The following NUBPL variants were observed in gnomAD, a reference collection of about 807,000 sequenced individuals.
NUBPL encodes the protein NUBP iron-sulfur cluster assembly factor, mitochondrial, also known as iron-sulfur cluster transfer protein NUBPL.
A neutral mutation model predicts 45.7 loss-of-function variants in NUBPL; 31 were observed. That is an observed-to-expected ratio of 0.68 (90% confidence interval 0.51 to 0.92). The LOEUF (loss-of-function observed/expected upper bound fraction) is 0.92. Ranked by LOEUF, NUBPL falls within the 40% of genes least tolerant of loss-of-function variation. NUBPL has a pLI of 0.00. For synonymous variants in NUBPL, 144 were observed against 140.9 expected, an observed-to-expected ratio of 1.02 and a Z score of -0.15; for missense variants, 401 against 398.7, an observed-to-expected ratio of 1.01 and a Z score of -0.05.
intron 6 of NUBPL, among the ~76,000 whole-genome samples, chr14:31,696,070 C>T (rs550359001): frequency 2.0e-5 from 3 of 152,238 alleles, no homozygotes; most frequent in African/African-American, 7.2e-5. Context: ...AAAGTATCAG[C>T]CACTGATATT....
intron 4 of NUBPL, among the ~76,000 whole-genome samples, chr14:31,602,496 A>G (rs889380143): frequency 6.6e-6 from 1 of 152,060 alleles, no homozygotes; most frequent in Non-Finnish European, 1.5e-5. Context: ...TAGAGCACCG[A>G]ATTTTAATAA....
intron 7 of NUBPL, among the ~76,000 whole-genome samples, chr14:31,807,941 G>A (rs922057444): frequency 9.9e-5 from 15 of 152,076 alleles, no homozygotes; most frequent in African/African-American, 3.1e-4. Context: ...GTAGATGTGT[G>A]GTATTATTTC....
chr14:31,656,438 C>T (rs1252414330), intron 4 of NUBPL, among the ~76,000 whole-genome samples: 1 of 152,176 alleles, frequency 6.6e-6, no homozygotes, highest in Non-Finnish European at 1.5e-5. Flanking sequence ...ATTTCCTTAC[C>T]AAGCATAATC....
chr14:31,706,228 T>C (rs1410274434), intron 6 of NUBPL, among the ~76,000 whole-genome samples: 1 of 152,080 alleles, frequency 6.6e-6, no homozygotes, highest in African/African-American at 2.4e-5. Context: ...TCCTGCTGGA[T>C]AGGGGCAAAG....
At chr14:31,825,082 A>T (rs2040075763) in intron 7 of NUBPL, among the ~76,000 whole-genome samples, 2 of 152,200 alleles carry the variant, frequency 1.3e-5, no homozygotes, top group South Asian at 4.1e-4. Context: ...GAGATCCAGA[A>T]AATTTGCCAT....
At chr14:31,746,524 G>C (rs2038403312) in intron 6 of NUBPL, among the ~76,000 whole-genome samples, 1 of 151,920 alleles carries the variant, frequency 6.6e-6, no homozygotes, top group Non-Finnish European at 1.5e-5. Flanking sequence ...GCATTCCTGG[G>C]ATGAATCCTA....
At chr14:31,669,459 CTT>C (rs540141377) in intron 4 of NUBPL, among the ~76,000 whole-genome samples, 5 of 142,024 alleles carry the variant, frequency 3.5e-5, no homozygotes, top group African/African-American at 1.3e-4. Context: ...CTTTTCTTTG[CTT>C]TTTTTTTTTT....
intron 7 of NUBPL, among the ~76,000 whole-genome samples, chr14:31,813,536 T>TACACACAC (rs144075915): frequency 7.4e-5 from 11 of 149,438 alleles, no homozygotes; most frequent in African/African-American, 2.0e-4. Context: ...CATACATCCA[T>TACACACAC]ACACACACAC....
intron 7 of NUBPL, among the ~76,000 whole-genome samples, chr14:31,813,386 A>G (rs1181869441): frequency 2.0e-5 from 3 of 151,842 alleles, no homozygotes; most frequent in African/African-American, 7.3e-5. Flanking sequence ...TTGTCACTAA[A>G]CAGCAGATAT....
intron 6 of NUBPL, among the ~76,000 whole-genome samples, chr14:31,712,847 C>T (rs1292290385): frequency 6.6e-6 from 1 of 152,184 alleles, no homozygotes; most frequent in African/African-American, 2.4e-5. Context: ...TCTCCTTGAC[C>T]AACTAAAATT....
chr14:31,829,410 T>C (rs999565178), intron 8 of NUBPL, among the ~76,000 whole-genome samples: 7 of 152,150 alleles, frequency 4.6e-5, no homozygotes, highest in East Asian at 3.8e-4. Context: ...GTGAGAACTT[T>C]CCAGCAATAA....
In NUBPL at chr14:31,564,994, AC is replaced by A. The variant is rs1193013874; in HGVS notation, c.257-19del. The A allele has an allele frequency of 6.9e-7, 1 of 1,451,126 alleles. No homozygotes were observed. The highest frequency in any genetic ancestry group is 9.6e-7 in the Non-Finnish European group (1 of 1,044,758). The allele number at this position is 1,451,126 out of a possible 1,614,324, so 89.9% of individuals were successfully genotyped here. A position where few individuals can be genotyped will look rare whatever the true frequency, so the allele number is the denominator to read the frequency against. ...AGAAGGAAAGTTACTAAATTCAATT[AC>A]TTTTTTTGTTTCTTACAGTGAATCT... On this transcript the variant is annotated intron_variant, in intron 2 of 10. Coordinates refer to ENST00000281081, the MANE Select transcript of NUBPL (RefSeq NM_025152.3).
At chr14:31,613,864 C>T (rs2034827727) in intron 4 of NUBPL, among the ~76,000 whole-genome samples, 1 of 150,924 alleles carries the variant, frequency 6.6e-6, no homozygotes, top group Admixed American at 6.6e-5. Context: ...TCTCATGTAC[C>T]CCATAAATAT....
chr14:31,657,382 A>T (rs954049694), intron 4 of NUBPL, among the ~76,000 whole-genome samples: 1 of 152,216 alleles, frequency 6.6e-6, no homozygotes, highest in African/African-American at 2.4e-5. Context: ...ATGTTTATTG[A>T]AAAGAGTTTG....
chr14:31,817,150 G>A (rs1446361978), intron 7 of NUBPL, among the ~76,000 whole-genome samples: 1 of 151,938 alleles, frequency 6.6e-6, no homozygotes, highest in Admixed American at 6.6e-5. Context: ...GAAAAGGAAT[G>A]AACAAAGCCT....
chr14:31,820,150 A>AG (rs767610235), intron 7 of NUBPL, among the ~76,000 whole-genome samples: 5 of 64,558 alleles, frequency 7.7e-5, no homozygotes, highest in Non-Finnish European at 2.1e-4. Context: ...AAAAAAAAAA[A>AG]AAAGAAAAAG....
intron 6 of NUBPL, among the ~76,000 whole-genome samples, chr14:31,748,666 G>A (rs1869072263): frequency 6.6e-6 from 1 of 152,038 alleles, no homozygotes; most frequent in Non-Finnish European, 1.5e-5. Flanking sequence ...AGGTTGGTAT[G>A]CAGTGGAGCG....
chr14:31,844,957 A>G (rs2040429587), intron 8 of NUBPL: 1 of 152,200 alleles, frequency 6.6e-6, no homozygotes, highest in Admixed American at 6.5e-5. Flanking sequence ...GTATTGTTGA[A>G]TAATAACATT....
At chr14:31,675,694 C>G (rs143097456) in intron 6 of NUBPL, among the ~76,000 whole-genome samples, 2 of 152,174 alleles carry the variant, frequency 1.3e-5, no homozygotes, top group African/African-American at 2.4e-5. Context: ...AAGAAAAATA[C>G]TGTGGTCATT....
Sources: allele counts gnomAD v4.1 joint callset (sites outside exome capture counted in the v4.1 genomes callset), GRCh38; gene constraint gnomAD v4.1.1; transcripts MANE v1.5; gene names NCBI Gene and HGNC (gene_info 2026-07-23, HGNC 2026-07-21).